The following COL26A1 variants were observed in gnomAD, a reference collection of about 807,000 sequenced individuals.
The protein encoded by COL26A1 is collagen alpha-1(XXVI) chain.
A neutral mutation model predicts 59.3 loss-of-function variants in COL26A1; 41 were observed. The observed-to-expected ratio is 0.69, with a 90% CI of 0.54 to 0.90. The LOEUF (loss-of-function observed/expected upper bound fraction) is 0.90, where lower values mean the gene tolerates loss of function less well. Ranked by LOEUF, COL26A1 falls within the 40% of genes least tolerant of loss-of-function variation. COL26A1 has a pLI of 0.00. For synonymous variants in COL26A1, 266 were observed against 256.0 expected, an observed-to-expected ratio of 1.04 and a Z score of -0.37; for missense variants, 612 against 602.3, an observed-to-expected ratio of 1.02 and a Z score of -0.17.
rs1011393859 is a variant in COL26A1 at position 101,396,429 on chromosome 7, T to C, written c.159-23548T>C. 3.3e-5 allele frequency among the ~76,000 whole-genome samples: 5 copies of C among 152,184 alleles called. No individual in the cohort carries two copies. The Middle Eastern group carries it at 0.01, about 311-fold the overall frequency. On this transcript the variant is annotated intron_variant, in intron 1 of 12. Coordinates refer to ENST00000313669, the MANE Select transcript of COL26A1 (RefSeq NM_001278563.3). The stretch of plus-strand genomic sequence containing the variant: ...CCCTGACTGACTACTCCAAGCCCCA[T>C]AGAGCTGCTCCTCTGACAATTCCAG...
At chr7:101,451,428 A>G (rs912869932) in intron 3 of COL26A1, among the ~76,000 whole-genome samples, 1 of 147,784 alleles carries the variant, frequency 6.8e-6, no homozygotes, top group African/African-American at 2.5e-5. Context: ...ATACAATTTA[A>G]GTATCCCTAG....
intron 8 of COL26A1, among the ~76,000 whole-genome samples, chr7:101,548,521 G>C (rs958443129): frequency 5.9e-5 from 9 of 152,162 alleles, no homozygotes; most frequent in Non-Finnish European, 1.3e-4. Context: ...AGCTGGGAAG[G>C]CTTCCTGGAA....
At chr7:101,391,522 T>C (rs1170907027) in intron 1 of COL26A1, among the ~76,000 whole-genome samples, 1 of 152,168 alleles carries the variant, frequency 6.6e-6, no homozygotes, top group Non-Finnish European at 1.5e-5. Flanking sequence ...TATGGTTCTC[T>C]GGAAGGAGAC....
Position 101,544,036 on chromosome 7 carries a change from C to G in COL26A1, c.643C>G (p.Pro215Ala), listed in dbSNP as rs370187612. The G allele has an allele frequency of 7.5e-6, 12 of 1,598,920 alleles. No homozygotes were observed. Among genetic ancestry groups the G allele is most frequent in the South Asian group, 1.1e-5 (1 of 88,196 alleles). Reference protein sequence around the residue: ...GQTGPPGPAGPPGSKGDRGQT... With the variant: ...GQTGPPGPAGAPGSKGDRGQT... ...GACAGGACCACCAGGGCCTGCAGGC[C>G]CCCCCGGGTCTAAAGGTGACCGAGG... Residue 215 changes from proline to alanine, a missense_variant, in exon 6 of 13, where the codon CCC becomes GCC. Transcript: ENST00000313669.
At chr7:101,386,715 G>A (rs1269802978) in intron 1 of COL26A1, among the ~76,000 whole-genome samples, 2 of 152,194 alleles carry the variant, frequency 1.3e-5, no homozygotes, top group African/African-American at 2.4e-5. Flanking sequence ...TCCAACTCAC[G>A]CAGGAGCTCA....
intron 3 of COL26A1, among the ~76,000 whole-genome samples, chr7:101,517,516 G>A (rs1359375060): frequency 6.6e-6 from 1 of 152,148 alleles, no homozygotes. Context: ...CTGGGTGCAG[G>A]GAAACTCCCA....
At chr7:101,371,628 A>T (rs1791197295) in intron 1 of COL26A1, among the ~76,000 whole-genome samples, 1 of 152,118 alleles carries the variant, frequency 6.6e-6, no homozygotes, top group South Asian at 2.1e-4. Context: ...TTTGCAAAAA[A>T]AAAACTTTAA....
At chr7:101,411,331 T>C (rs1487475815) in intron 1 of COL26A1, among the ~76,000 whole-genome samples, 2 of 151,980 alleles carry the variant, frequency 1.3e-5, no homozygotes, top group African/African-American at 4.8e-5. Flanking sequence ...GAACCTTTCC[T>C]GGCTGGAGGG....
chr7:101,472,633 G>A (rs17135434), intron 3 of COL26A1, among the ~76,000 whole-genome samples: 4,195 of 152,264 alleles, frequency 0.028, 77 homozygotes, highest in South Asian at 0.06. Flanking sequence ...ATTGCGCCTC[G>A]GGAAAATGCC....
chr7:101,511,881 T>G (rs1794934320), intron 3 of COL26A1, among the ~76,000 whole-genome samples: 1 of 152,086 alleles, frequency 6.6e-6, no homozygotes, highest in South Asian at 2.1e-4. Context: ...TAGTCCCAGC[T>G]ACTCAGGAGG....
intron 1 of COL26A1, among the ~76,000 whole-genome samples, chr7:101,401,610 AAGAAGAGGAAAAGGAGGAGGC>A (rs1792001226): frequency 6.7e-6 from 1 of 149,640 alleles, no homozygotes. Flanking sequence ...GAGTAGGAGG[AAGAAGAGGAAAAGGAGGAGGC>A]AGAAGAGGGA....
At position 101,387,778 on chromosome 7, in the gene COL26A1, A is replaced by ATAT. The variant is rs773025730; in HGVS notation, c.158+24589_158+24590insATT. 2.1e-4 allele frequency among the ~76,000 whole-genome samples: 18 copies of ATAT among 84,808 alleles called. 1 individual carries two copies. The highest frequency in any genetic ancestry group is 6.1e-4 in the Admixed American group (4 of 6,566). 55.6% of individuals were successfully genotyped at this position (84,808 alleles called of 152,430 possible). A position where few individuals can be genotyped will look rare whatever the true frequency, so the allele number is the denominator to read the frequency against. ...TTTATATATATATATATATATATAT[A>ATAT]TTTTTTTTTAAGACAGAGTCTCACT... On this transcript the variant is annotated intron_variant, in intron 1 of 12. Transcript: ENST00000313669.
At chr7:101,550,561 T>A (rs1332562811) in intron 9 of COL26A1, among the ~76,000 whole-genome samples, 3 of 152,178 alleles carry the variant, frequency 2.0e-5, no homozygotes, top group African/African-American at 7.2e-5. Context: ...CAGGGAAGGC[T>A]GTAGTTTCAC....
At chr7:101,477,177 G>A (rs1234841281) in intron 3 of COL26A1, among the ~76,000 whole-genome samples, 1 of 152,078 alleles carries the variant, frequency 6.6e-6, no homozygotes, top group South Asian at 2.1e-4. Context: ...TAAGGCAAGG[G>A]GGATGTCTGT....
intron 3 of COL26A1, among the ~76,000 whole-genome samples, chr7:101,476,544 T>C (rs1794050885): frequency 1.4e-5 from 2 of 141,042 alleles, no homozygotes; most frequent in Admixed American, 7.3e-5. Flanking sequence ...TCTGGTTACT[T>C]GGTTACTTTT....
chr7:101,369,144 C>T (rs1230422131), intron 1 of COL26A1, among the ~76,000 whole-genome samples: 2 of 151,986 alleles, frequency 1.3e-5, no homozygotes, highest in Non-Finnish European at 2.9e-5. Context: ...TGATGACTCA[C>T]GCCTGTCATC....
rs745734583 is a variant in COL26A1, at chr7:101,557,459, G to A, written c.1255G>A (p.Gly419Arg). 1 of 1,613,618 alleles carries A rather than the reference G, an allele frequency of 6.2e-7. No homozygotes were observed. The highest frequency in any genetic ancestry group is 1.7e-5 in the Admixed American group (1 of 59,984). The change falls in exon 13 of 13, where the codon GGG becomes AGG. Residue 419 changes from glycine to arginine, a missense_variant. By Grantham distance (125) the Gly-to-Arg change is moderately radical. Transcript: ENST00000313669. ...GAAGAGGGGTGGCGCCCAACCCGAT[G>A]GGGTCCTTGCTGCCCTGCTTGGGCC... ...KMKRGGAQPD[G>R]VLAALLGPDP...
intron 3 of COL26A1, among the ~76,000 whole-genome samples, chr7:101,451,262 A>G (rs1793331169): frequency 6.9e-6 from 1 of 145,558 alleles, no homozygotes; most frequent in Non-Finnish European, 1.5e-5. Context: ...AATATATACA[A>G]TATGAAAGAT....
intron 5 of COL26A1, among the ~76,000 whole-genome samples, chr7:101,543,346 C>G (rs1371275815): frequency 2.6e-5 from 4 of 151,970 alleles, no homozygotes; most frequent in Non-Finnish European, 4.4e-5. Context: ...ACTTTTGTAT[C>G]TTTTGTAGAG....
Sources: gnomAD v4.1 joint callset for allele counts (sites outside exome capture counted in the v4.1 genomes callset) on GRCh38, gnomAD v4.1.1 for gene constraint, MANE v1.5 for transcripts, NCBI Gene and HGNC (gene_info 2026-07-23, HGNC 2026-07-21) for gene names.